FAM241B: variants seen among roughly 807,000 people sequenced by gnomAD.
FAM241B encodes the protein family with sequence similarity 241 member B, also known as protein FAM241B.
FAM241B carries 7 observed loss-of-function variants against 9.3 expected under a neutral mutation model. The ratio of observed to expected loss-of-function variants is 0.75; its 90% CI spans 0.43 to 1.41. The LOEUF (loss-of-function observed/expected upper bound fraction) is 1.41. FAM241B is among the 40% of genes most tolerant of loss of function. The pLI is 0.01. For missense variants in FAM241B, 136 were observed against 159.6 expected (o/e 0.85, Z 0.80); for synonymous variants, 60 against 64.1 (o/e 0.94, Z 0.31).
Position 69,631,783 on chromosome 10 carries a change from G to T in FAM241B, c.40G>T (p.Asp14Tyr), listed in dbSNP as rs1168818885. Residue 14 changes from aspartate to tyrosine, a missense_variant, in exon 3 of 4, where the codon GAC becomes TAC. Asp to Tyr is a radical substitution (Grantham distance 160). Transcript: ENST00000373279. ...ILANGEIVQD[D>Y]DPRVRTTTQP... ...GGCCAATGGGGAAATCGTGCAGGAT[G>T]ACGACCCCCGAGTGAGGACCACTAC... 6.2e-7 allele frequency: 1 copy of T among 1,613,282 alleles called. No individual in the cohort carries two copies. The highest frequency in any genetic ancestry group is 1.1e-5 in the South Asian group (1 of 90,560).
At position 69,631,764 on chromosome 10, in the gene FAM241B, T is replaced by C. The variant is rs879052566; in HGVS notation, c.21T>C (p.Asn7=). MVRILA[N]GEIVQDDDPR... is the part of the protein sequence containing the mutation. The stretch of plus-strand genomic sequence containing the variant: ...GGAGGATGGTGCGGATCTTGGCCAA[T>C]GGGGAAATCGTGCAGGATGACGACC... Residue 7 remains asparagine, a synonymous_variant, in exon 3 of 4, where the codon AAT becomes AAC. Transcript: ENST00000373279. 3.7e-6 allele frequency: 6 copies of C among 1,613,064 alleles called. No homozygotes were observed. In the South Asian group the frequency reaches 6.6e-5, roughly 18 times the overall value.
chr10:69,631,578 C>T, intron 2 of FAM241B, 31 bp downstream of exon 2: 3 of 1,547,296 alleles, frequency 1.9e-6, no homozygotes, highest in Admixed American at 3.9e-5. Flanking sequence ...TTTTTGAGGT[C>T]AGGGGGAAAA....
rs890669030 is a variant in FAM241B at position 69,633,370 on chromosome 10, A to C, written c.*311A>C. 2.4e-6 allele frequency: 1 copy of C among 408,222 alleles called. No homozygotes were observed. The highest frequency in any genetic ancestry group is 4.9e-5 in the East Asian group (1 of 20,294). The allele number at this position is 408,222 out of a possible 1,614,324, so 25.3% of individuals were successfully genotyped here. ...CTCTCAATCCTTTTATGCCGAGAAGATCTCAGCTGGATGCCAACATGTTCC... is the reference window on the plus strand; with the variant it reads ...CTCTCAATCCTTTTATGCCGAGAAGCTCTCAGCTGGATGCCAACATGTTCC... On this transcript the variant is annotated 3_prime_UTR_variant, in exon 4 of 4. Coordinates refer to ENST00000373279, the MANE Select transcript of FAM241B (RefSeq NM_145306.3).
chr10:69,632,457 CAAAAAAA>C (rs58019486), intron 3 of FAM241B, among the ~76,000 whole-genome samples: 8 of 109,020 alleles, frequency 7.3e-5, no homozygotes, highest in African/African-American at 1.8e-4. Flanking sequence ...GACTCCGTCT[CAAAAAAA>C]AAAAAAAAAA....
At chr10:69,630,822 C>T (rs749823265) in intron 1 of FAM241B, among the ~76,000 whole-genome samples, 2 of 152,208 alleles carry the variant, frequency 1.3e-5, no homozygotes, top group South Asian at 4.1e-4. Flanking sequence ...GGCCCTGCGC[C>T]CGTTAGCCAA....
intron 3 of FAM241B, 117 bp downstream of exon 3, chr10:69,631,956 C>A: frequency 7.9e-7 from 1 of 1,272,026 alleles, no homozygotes; most frequent in Non-Finnish European, 1.0e-6. Context: ...GCCCTCTTTG[C>A]AGAGAGCTGG....
At chr10:69,630,716 G>T in intron 1 of FAM241B, 1 of 1,263,916 alleles carries the variant, frequency 7.9e-7, no homozygotes, top group East Asian at 6.3e-5. Flanking sequence ...CCAGACTCAA[G>T]GGGAGGCGTG....
At position 69,633,146 on chromosome 10, in the gene FAM241B, G is replaced by A. The variant is rs1839861611; in HGVS notation, c.*87G>A. ...CAGGCATATTTGGAGGGGATCTGGT[G>A]GTGCCTTGAAGGTATGATCAGAGAG... On this transcript the variant is annotated 3_prime_UTR_variant, in exon 4 of 4. Coordinates refer to ENST00000373279, the MANE Select transcript of FAM241B (RefSeq NM_145306.3). 4 of 1,544,960 alleles carry A rather than the reference G, an allele frequency of 2.6e-6. No homozygotes were observed. In the South Asian group the frequency reaches 3.6e-5, roughly 14 times the overall value.
At chr10:69,632,475 AAAAAAG>A (rs1457767828) in intron 3 of FAM241B, among the ~76,000 whole-genome samples, 12 of 151,288 alleles carry the variant, frequency 7.9e-5, no homozygotes, top group Admixed American at 2.0e-4. Flanking sequence ...AAAAAAAAAA[AAAAAAG>A]AAAGGAGTGA....
At chr10:69,631,582 G>A (rs1369821739) in intron 2 of FAM241B, 35 bp downstream of exon 2, 6 of 1,547,568 alleles carry the variant, frequency 3.9e-6, no homozygotes, top group Non-Finnish European at 5.2e-6. Flanking sequence ...TGAGGTCAGG[G>A]GGAAAATCCT....
At chr10:69,631,931 C>T in intron 3 of FAM241B, 92 bp downstream of exon 3, 1 of 1,508,686 alleles carries the variant, frequency 6.6e-7, no homozygotes, top group Non-Finnish European at 9.0e-7. Flanking sequence ...GGTCACTAAC[C>T]TTTTCTAGCC....
At chr10:69,630,675 G>A (rs776596098) in intron 1 of FAM241B, 1 of 1,297,022 alleles carries the variant, frequency 7.7e-7, no homozygotes, top group Non-Finnish European at 1.0e-6. Context: ...TGGACACTGA[G>A]GCTCATCTCC....
In FAM241B at chr10:69,631,705, G is replaced by A; in HGVS notation, c.-35-4G>A. 6.2e-7 allele frequency: 1 copy of A among 1,602,144 alleles called. No individual in the cohort carries two copies. Among genetic ancestry groups the A allele is most frequent in the Non-Finnish European group, 8.5e-7 (1 of 1,175,066 alleles). ...AGCCTGCCCACCCTGACCACACAAT[G>A]CAGGTGCAGCCCATCAGGGACCCAC... is the stretch of plus-strand genomic sequence containing the variant. On this transcript the variant is annotated splice_polypyrimidine_tract_variant and splice_region_variant and intron_variant, in intron 2 of 3. Coordinates refer to ENST00000373279, the MANE Select transcript of FAM241B (RefSeq NM_145306.3).
At position 69,632,656 on chromosome 10, in the gene FAM241B, T is replaced by G. The variant is rs1054938041; in HGVS notation, c.97-134T>G. ...GTTGTTGGGATTCTTATGGGTGGCA[T>G]GGGGGATTGCTGAGAAAGGAGGGTG... is the stretch of plus-strand genomic sequence containing the variant. On this transcript the variant is annotated intron_variant, in intron 3 of 3. Coordinates refer to ENST00000373279, the MANE Select transcript of FAM241B (RefSeq NM_145306.3). The G allele has an allele frequency of 4.1e-6, 4 of 966,200 alleles. No homozygotes were observed. In the South Asian group the frequency reaches 6.7e-5, roughly 16 times the overall value. 59.9% of individuals were successfully genotyped at this position (966,200 alleles called of 1,614,324 possible).
rs370361862 is a variant in FAM241B, at chr10:69,631,792, C to T, written c.49C>T (p.Arg17Ter). 8 of 1,613,086 alleles carry T rather than the reference C, an allele frequency of 5.0e-6. No homozygotes were observed. The highest frequency in any genetic ancestry group is 6.8e-6 in the Non-Finnish European group (8 of 1,179,850). The change falls in exon 3 of 4, where the codon CGA (arginine) becomes TGA (stop). Residue 17 changes from arginine to a stop codon, truncating the protein, a stop_gained. Coordinates refer to ENST00000373279, the MANE Select transcript of FAM241B (RefSeq NM_145306.3). LOFTEE classifies it high-confidence loss of function. ...NGEIVQDDDP[R>*]VRTTTQPPRG... ...GGAAATCGTGCAGGATGACGACCCC[C>T]GAGTGAGGACCACTACCCAGCCACC... is the stretch of plus-strand genomic sequence containing the variant.
chr10:69,630,700 C>T (rs1178870771), intron 1 of FAM241B: 1 of 1,285,142 alleles, frequency 7.8e-7, no homozygotes, highest in African/African-American at 1.5e-5. Flanking sequence ...AATGAATGGC[C>T]TTTACCCAGA....
intron 1 of FAM241B, chr10:69,630,744 AG>A: frequency 1.7e-6 from 2 of 1,150,034 alleles, no homozygotes; most frequent in Non-Finnish European, 2.3e-6. Context: ...CCCGCAGTCC[AG>A]GGGTCCGCGG....
In FAM241B at chr10:69,631,581, G is replaced by A. The variant is rs906229208; in HGVS notation, c.-36+34G>A. The stretch of plus-strand genomic sequence containing the variant: ...TTTCCTTCAAGCTTTTTGAGGTCAG[G>A]GGGAAAATCCTCCACAGATCTTCAC... On this transcript the variant is annotated intron_variant, in intron 2 of 3. Transcript: ENST00000373279. 2.6e-6 allele frequency: 4 copies of A among 1,547,444 alleles called. No homozygotes were observed. The African/African-American group carries it at 5.5e-5, about 21-fold the overall frequency.
intron 1 of FAM241B, among the ~76,000 whole-genome samples, chr10:69,630,926 A>G (rs2244855): frequency 0.67 from 101,916 of 152,082 alleles, 34,465 homozygotes; most frequent in East Asian, 0.9. Context: ...GATGGCTAGG[A>G]TGGTCTGCCG....
Sources: allele counts gnomAD v4.1 joint callset (sites outside exome capture counted in the v4.1 genomes callset), GRCh38; gene constraint gnomAD v4.1.1; transcripts MANE v1.5; gene names NCBI Gene and HGNC (gene_info 2026-07-23, HGNC 2026-07-21).